Variants in MTR observed in about 807,000 individuals in gnomAD.
The protein encoded by MTR is methionine synthase.
A neutral mutation model predicts 154.8 loss-of-function variants in MTR; 84 were observed. The ratio of observed to expected loss-of-function variants is 0.54; its 90% confidence interval spans 0.45 to 0.65. MTR has a LOEUF of 0.65. Among genes scored for constraint, MTR ranks in the 30% least tolerant of loss-of-function variants. MTR has a pLI of 0.00. For missense variants in MTR, 1,275 were observed against 1,570.2 expected (o/e 0.81, Z 3.18); for synonymous variants, 554 against 553.9 (o/e 1.00, Z 0.00).
chr1:236,863,633 G>A (rs1258583323), intron 22 of MTR, 79 bp downstream of exon 22: 12 of 1,240,386 alleles, frequency 9.7e-6, no homozygotes, highest in African/African-American at 1.5e-5. Flanking sequence ...TCTTCAATGG[G>A]TGGGAAGAGT....
At chr1:236,796,746 TTAAA>T (rs1419854827) in intron 1 of MTR, among the ~76,000 whole-genome samples, 3 of 151,058 alleles carry the variant, frequency 2.0e-5, no homozygotes, top group East Asian at 3.9e-4. Flanking sequence ...ATTTAATATA[TTAAA>T]TAAGATGTAA....
intron 1 of MTR, chr1:236,800,226 T>C: frequency 2.0e-6 from 2 of 985,414 alleles, no homozygotes; most frequent in Non-Finnish European, 1.2e-6. Context: ...TTGATTGATA[T>C]TGATTAATCA....
intron 18 of MTR, among the ~76,000 whole-genome samples, chr1:236,856,799 G>T (rs185696476): frequency 1.3e-5 from 2 of 152,214 alleles, no homozygotes; most frequent in African/African-American, 4.8e-5. Context: ...TTCTGTTCCT[G>T]TGTTAGTTTG....
At position 236,880,780 on chromosome 1, in the gene MTR, C is replaced by G; in HGVS notation, c.2620C>G (p.Pro874Ala). Residue 874 changes from proline to alanine, a missense_variant, in exon 25 of 33, where the codon CCG (proline) becomes GCG (alanine). Pro to Ala is a conservative substitution (Grantham distance 27). Transcript: ENST00000366577. ...AACCCACACAGCAGTTAAAATAGCT[C>G]CGAGATACAGTGCACCTGTAATCCA... is the stretch of plus-strand genomic sequence containing the variant. ...SKTHTAVKIA[P>A]RYSAPVIHVL... 1 of 1,614,092 alleles carries G rather than the reference C, an allele frequency of 6.2e-7. No homozygotes were observed. Among genetic ancestry groups the G allele is most frequent in the Non-Finnish European group, 8.5e-7 (1 of 1,180,012 alleles).
intron 22 of MTR, among the ~76,000 whole-genome samples, chr1:236,867,143 G>A (rs1427174669): frequency 6.6e-6 from 1 of 152,192 alleles, no homozygotes. Context: ...CATAGCTAGA[G>A]GGGAGAAGTG....
chr1:236,812,450 G>C (rs561349742), intron 5 of MTR, among the ~76,000 whole-genome samples: 1 of 152,202 alleles, frequency 6.6e-6, no homozygotes, highest in Non-Finnish European at 1.5e-5. Flanking sequence ...TGTTGAATGG[G>C]GGGTACATGT....
At chr1:236,883,713 C>T (rs1665875794) in intron 25 of MTR, among the ~76,000 whole-genome samples, 1 of 152,062 alleles carries the variant, frequency 6.6e-6, no homozygotes. Context: ...GCCACGATGG[C>T]CTTTTCTGAT....
chr1:236,852,863 C>T (rs1381514764), intron 17 of MTR, 85 bp from the exon 18 acceptor site: 3 of 1,503,188 alleles, frequency 2.0e-6, no homozygotes, highest in African/African-American at 2.8e-5. Flanking sequence ...AAATATTTCT[C>T]TCTGGCCCTT....
At chr1:236,814,663 TATCA>T (rs1281016750) in intron 6 of MTR, among the ~76,000 whole-genome samples, 1 of 152,214 alleles carries the variant, frequency 6.6e-6, no homozygotes, top group Admixed American at 6.5e-5. Flanking sequence ...TAGTGTTTTC[TATCA>T]ATCTGTCTGC....
intron 22 of MTR, among the ~76,000 whole-genome samples, chr1:236,864,000 T>G (rs556584537): frequency 6.6e-6 from 1 of 152,152 alleles, no homozygotes; most frequent in Non-Finnish European, 1.5e-5. Context: ...CAAGTCTCAG[T>G]TGGCTTTGCT....
intron 15 of MTR, among the ~76,000 whole-genome samples, chr1:236,842,238 C>G (rs1201117502): frequency 6.6e-6 from 1 of 152,120 alleles, no homozygotes; most frequent in Non-Finnish European, 1.5e-5. Flanking sequence ...TTTTTCTATT[C>G]TCTGGAGGCT....
chr1:236,878,049 A>G (rs970998201), intron 24 of MTR, among the ~76,000 whole-genome samples: 1 of 152,158 alleles, frequency 6.6e-6, no homozygotes, highest in Non-Finnish European at 1.5e-5. Context: ...ATTGGTTTGT[A>G]CACATTCTTT....
intron 13 of MTR, among the ~76,000 whole-genome samples, chr1:236,833,302 TGA>T (rs1662721253): frequency 6.6e-6 from 1 of 152,232 alleles, no homozygotes; most frequent in Non-Finnish European, 1.5e-5. Context: ...GATTTGACAC[TGA>T]GAGCATTTTA....
intron 2 of MTR, among the ~76,000 whole-genome samples, chr1:236,805,147 T>TG (rs1660910423): frequency 6.6e-6 from 1 of 152,182 alleles, no homozygotes; most frequent in African/African-American, 2.4e-5. Flanking sequence ...TAAGAGGGGT[T>TG]GGGTTTATTC....
At chr1:236,879,918 C>G (rs1052096691) in intron 24 of MTR, among the ~76,000 whole-genome samples, 2 of 152,090 alleles carry the variant, frequency 1.3e-5, no homozygotes, top group Non-Finnish European at 2.9e-5. Context: ...CTTTGGGAAG[C>G]CGAGGCAGGT....
In MTR at chr1:236,894,314, G is replaced by A. The variant is rs1048343177; in HGVS notation, c.3205-43G>A. 2.5e-6 allele frequency: 4 copies of A among 1,599,536 alleles called. No individual in the cohort carries two copies. In the African/African-American group the frequency reaches 4.0e-5, roughly 16 times the overall value. On this transcript the variant is annotated intron_variant, in intron 29 of 32. Transcript: ENST00000366577. The stretch of plus-strand genomic sequence containing the variant: ...CATGGTGTGCTGGCGCCACGTTCTT[G>A]CTAACGGCGCCCCCGCACACTCCTA...
chr1:236,828,911 A>G (rs1662450245), intron 11 of MTR, among the ~76,000 whole-genome samples: 1 of 152,106 alleles, frequency 6.6e-6, no homozygotes, highest in South Asian at 2.1e-4. Context: ...AAACTGTCAT[A>G]TAGCTCCAGG....
intron 5 of MTR, among the ~76,000 whole-genome samples, chr1:236,811,018 A>C (rs1208693840): frequency 1.3e-5 from 2 of 152,206 alleles, no homozygotes; most frequent in Admixed American, 6.5e-5. Flanking sequence ...ATAAAGGCGT[A>C]CAAGACTGGA....
intron 2 of MTR, among the ~76,000 whole-genome samples, chr1:236,804,544 G>A (rs577153696): frequency 1.3e-5 from 2 of 152,010 alleles, no homozygotes; most frequent in African/African-American, 4.8e-5. Context: ...AAATATTCTG[G>A]AACATGGTTT....
Sources: allele counts gnomAD v4.1 joint callset (sites outside exome capture counted in the v4.1 genomes callset), GRCh38; gene constraint gnomAD v4.1.1; transcripts MANE v1.5; gene names NCBI Gene and HGNC (gene_info 2026-07-23, HGNC 2026-07-21).